Variants in FSTL5 observed in about 807,000 individuals in gnomAD.
FSTL5 encodes follistatin-related protein 5.
Under a neutral mutation model 89.1 loss-of-function variants are expected in FSTL5, and 62 were observed. The observed-to-expected ratio is 0.70, with a 90% CI of 0.57 to 0.86. FSTL5 has a LOEUF of 0.86. Ranked by LOEUF, FSTL5 falls within the 40% of genes least tolerant of loss-of-function variation. FSTL5 has a pLI of 0.00. For missense variants in FSTL5, 1,057 were observed against 1,001.6 expected (o/e 1.06, Z -0.75); for synonymous variants, 383 against 346.2 (o/e 1.11, Z -1.18).
chr4:161,872,374 T>G (rs1315681289), intron 4 of FSTL5, among the ~76,000 whole-genome samples: 1 of 152,164 alleles, frequency 6.6e-6, no homozygotes, highest in African/African-American at 2.4e-5. Flanking sequence ...ATAAAATATA[T>G]TGAGTTTTAG....
intron 10 of FSTL5, 26 bp from the exon 11 acceptor site, chr4:161,510,450 G>A: frequency 7.0e-7 from 1 of 1,430,856 alleles, no homozygotes; most frequent in Non-Finnish European, 9.5e-7. Context: ...AGAAAAAGAA[G>A]AAAAAGAAAA....
chr4:162,144,678 CA>C (rs560335608), intron 1 of FSTL5, among the ~76,000 whole-genome samples: 1 of 151,710 alleles, frequency 6.6e-6, no homozygotes, highest in Non-Finnish European at 1.5e-5. Context: ...TAATGATCCA[CA>C]AAAAAGTGAA....
At chr4:161,639,384 C>A (rs1042137164) in intron 7 of FSTL5, among the ~76,000 whole-genome samples, 1 of 152,080 alleles carries the variant, frequency 6.6e-6, no homozygotes, top group African/African-American at 2.4e-5. Flanking sequence ...TGCTATGGAA[C>A]CGAAAAATTG....
intron 8 of FSTL5, among the ~76,000 whole-genome samples, chr4:161,561,069 T>C (rs1174821417): frequency 6.6e-6 from 1 of 151,918 alleles, no homozygotes; most frequent in Non-Finnish European, 1.5e-5. Context: ...GACATTACAA[T>C]AGCTACGACG....
At chr4:161,823,405 G>C (rs1342477460) in intron 4 of FSTL5, among the ~76,000 whole-genome samples, 3 of 152,214 alleles carry the variant, frequency 2.0e-5, no homozygotes, top group Non-Finnish European at 4.4e-5. Flanking sequence ...AGAGGGGACT[G>C]AGACAGCAGT....
intron 4 of FSTL5, among the ~76,000 whole-genome samples, chr4:161,869,905 G>C (rs1440612): frequency 0.86 from 130,275 of 152,156 alleles, 56,942 homozygotes; most frequent in East Asian, 0.98. Flanking sequence ...CTTGTCTTCA[G>C]CACTCTTCTC....
At chr4:161,809,234 A>T (rs943043862) in intron 4 of FSTL5, among the ~76,000 whole-genome samples, 4 of 152,154 alleles carry the variant, frequency 2.6e-5, no homozygotes, top group Non-Finnish European at 4.4e-5. Context: ...AAAACAAAAC[A>T]AAATGCAAAT....
intron 12 of FSTL5, among the ~76,000 whole-genome samples, chr4:161,498,827 G>A (rs995533979): frequency 1.3e-5 from 2 of 151,976 alleles, no homozygotes; most frequent in Non-Finnish European, 2.9e-5. Flanking sequence ...TTATTCATGT[G>A]CTTATGTATT....
intron 3 of FSTL5, among the ~76,000 whole-genome samples, chr4:161,930,697 T>C (rs1041822616): frequency 6.6e-6 from 1 of 151,850 alleles, no homozygotes; most frequent in Non-Finnish European, 1.5e-5. Context: ...GCTCTATCTA[T>C]GCTCGTAAAC....
intron 6 of FSTL5, among the ~76,000 whole-genome samples, chr4:161,712,171 A>G (rs1353466180): frequency 6.6e-6 from 1 of 152,178 alleles, no homozygotes; most frequent in Admixed American, 6.5e-5. Flanking sequence ...TGGGGGTAGA[A>G]ATGTTCTAAA....
chr4:161,424,693 T>C (rs1732111945), intron 15 of FSTL5, among the ~76,000 whole-genome samples: 1 of 152,186 alleles, frequency 6.6e-6, no homozygotes, highest in African/African-American at 2.4e-5. Flanking sequence ...AGACTGGAAA[T>C]GTTAAAGAAT....
chr4:161,989,580 C>A (rs149271421), intron 3 of FSTL5, among the ~76,000 whole-genome samples: 1 of 151,944 alleles, frequency 6.6e-6, no homozygotes, highest in Non-Finnish European at 1.5e-5. Context: ...AAAACAAATG[C>A]GACTTTATTG....
intron 8 of FSTL5, among the ~76,000 whole-genome samples, chr4:161,550,276 A>G (rs1039930207): frequency 6.6e-5 from 10 of 151,926 alleles, no homozygotes; most frequent in Non-Finnish European, 8.8e-5. Context: ...GTATTACAAT[A>G]TACACAAGCT....
chr4:161,818,907 T>C (rs1036840801), intron 4 of FSTL5, among the ~76,000 whole-genome samples: 1 of 152,196 alleles, frequency 6.6e-6, no homozygotes, highest in African/African-American at 2.4e-5. Context: ...AATTGTGACT[T>C]TTTTAAATGC....
chr4:161,766,909 TTGATA>T (rs1741027223), intron 5 of FSTL5, among the ~76,000 whole-genome samples: 1 of 44,750 alleles, frequency 2.2e-5, no homozygotes, highest in South Asian at 9.1e-4. Flanking sequence ...GATAGATCGA[TTGATA>T]GATAGATAGA....
At chr4:161,541,607 A>G (rs894383020) in intron 9 of FSTL5, among the ~76,000 whole-genome samples, 3 of 152,044 alleles carry the variant, frequency 2.0e-5, no homozygotes, top group Non-Finnish European at 4.4e-5. Context: ...TGCAAGAATA[A>G]GTAGAAGTTT....
chr4:161,814,122 A>G (rs562099293), intron 4 of FSTL5, among the ~76,000 whole-genome samples: 278 of 152,096 alleles, frequency 1.8e-3, no homozygotes, highest in African/African-American at 6.3e-3. Context: ...GAAAGATGGA[A>G]GGCATAAATA....
At chr4:161,624,747 A>C (rs142674793) in intron 7 of FSTL5, among the ~76,000 whole-genome samples, 2,228 of 152,232 alleles carry the variant, frequency 0.015, 53 homozygotes, top group African/African-American at 0.049. Flanking sequence ...ATACTATTCC[A>C]AGATTAAAAT....
intron 6 of FSTL5, among the ~76,000 whole-genome samples, chr4:161,665,073 G>T (rs1478955865): frequency 6.6e-6 from 1 of 152,158 alleles, no homozygotes; most frequent in Non-Finnish European, 1.5e-5. Flanking sequence ...TTTGGGTGCA[G>T]ACCCAGCTAA....
Sources: gnomAD v4.1 joint callset for allele counts (sites outside exome capture counted in the v4.1 genomes callset) on GRCh38, gnomAD v4.1.1 for gene constraint, MANE v1.5 for transcripts, NCBI Gene and HGNC (gene_info 2026-07-23, HGNC 2026-07-21) for gene names.